CAP2: variants seen among roughly 807,000 people sequenced by gnomAD.
The protein encoded by CAP2 is adenylyl cyclase-associated protein 2.
A neutral mutation model predicts 57.7 loss-of-function variants in CAP2; 24 were observed. The ratio of observed to expected loss-of-function variants is 0.42; its 90% confidence interval spans 0.30 to 0.58. The LOEUF (loss-of-function observed/expected upper bound fraction) is 0.58. Ranked by LOEUF, CAP2 falls within the 20% of genes least tolerant of loss-of-function variation. The pLI, the probability that CAP2 is intolerant of heterozygous loss-of-function variation, is 0.22. For synonymous variants in CAP2, 194 were observed against 207.2 expected, an observed-to-expected ratio of 0.94 and a Z score of 0.55; for missense variants, 501 against 590.3, an observed-to-expected ratio of 0.85 and a Z score of 1.57.
intron 1 of CAP2, among the ~76,000 whole-genome samples, chr6:17,407,505 A>G (rs1284790608): frequency 1.3e-5 from 2 of 151,234 alleles, no homozygotes; most frequent in East Asian, 3.9e-4. Context: ...GGCCAGGCGC[A>G]TTGCCTCACG....
chr6:17,406,300 A>G (rs1758966032), intron 1 of CAP2, among the ~76,000 whole-genome samples: 1 of 152,064 alleles, frequency 6.6e-6, no homozygotes, highest in Admixed American at 6.6e-5. Context: ...TCCTCAGGAC[A>G]GAGTAGCGAG....
At chr6:17,431,327 A>T (rs926017603) in intron 3 of CAP2, among the ~76,000 whole-genome samples, 2 of 150,556 alleles carry the variant, frequency 1.3e-5, no homozygotes, top group African/African-American at 5.0e-5. Context: ...AGATATCGTT[A>T]AAAAAAATAA....
chr6:17,465,553 G>A (rs187511977), intron 4 of CAP2, among the ~76,000 whole-genome samples: 9 of 152,050 alleles, frequency 5.9e-5, no homozygotes, highest in East Asian at 3.9e-4. Context: ...TCAGAACACC[G>A]TCCTACTACT....
At chr6:17,550,202 C>T (rs6925576) in intron 11 of CAP2, among the ~76,000 whole-genome samples, 52,590 of 151,562 alleles carry the variant, frequency 0.35, 9,411 homozygotes, top group Middle Eastern at 0.53. Flanking sequence ...GCTGAGATGG[C>T]GCCATTGCAC....
intron 1 of CAP2, among the ~76,000 whole-genome samples, chr6:17,406,902 C>A (rs908431712): frequency 6.6e-6 from 1 of 152,080 alleles, no homozygotes; most frequent in African/African-American, 2.4e-5. Context: ...GCTACCTGCA[C>A]CCCCACCCAA....
At chr6:17,551,355 G>A in intron 11 of CAP2, 109 bp from the exon 12 acceptor site, 1 of 877,822 alleles carries the variant, frequency 1.1e-6, no homozygotes, top group Non-Finnish European at 1.7e-6. Flanking sequence ...GAATTCTAAT[G>A]CTTGGTTAAG....
chr6:17,531,113 A>G lies in CAP2; in HGVS notation c.637-8156A>G, dbSNP rs145581199. 1.5e-3 allele frequency: 1,168 copies of G among 760,356 alleles called. 8 individuals carry two copies. The African/African-American group carries it at 0.017, about 11-fold the overall frequency. 47.1% of individuals were successfully genotyped at this position (760,356 alleles called of 1,614,324 possible). A position where few individuals can be genotyped will look rare whatever the true frequency, so the allele number is the denominator to read the frequency against. On this transcript the variant is annotated intron_variant, in intron 7 of 12. Transcript: ENST00000229922. ...TGATGCCATATTTACCGAGAGATTG[A>G]GCCATCAAAGCCTCATCTGTCAAAG... is the stretch of plus-strand genomic sequence containing the variant.
In CAP2 at chr6:17,534,760, T is replaced by C. The variant is rs114522550; in HGVS notation, c.637-4509T>C. Among the ~76,000 whole-genome samples the C allele has an allele frequency of 4.4e-4, 67 of 152,312 alleles. 1 individual carries two copies. Among genetic ancestry groups the C allele is most frequent in the African/African-American group, 1.4e-3 (59 of 41,554 alleles). ...CTGATCCTTTCCTTCTCATCCAGTC[T>C]AGACAACCTGGTACATTACCTCTGC... On this transcript the variant is annotated intron_variant, in intron 7 of 12. Coordinates refer to ENST00000229922, the MANE Select transcript of CAP2 (RefSeq NM_006366.3).
At chr6:17,552,940 A>C (rs1156923546) in intron 12 of CAP2, among the ~76,000 whole-genome samples, 1 of 152,164 alleles carries the variant, frequency 6.6e-6, no homozygotes, top group Admixed American at 6.5e-5. Flanking sequence ...TTAAAAAAAC[A>C]AAACTCTGCA....
At chr6:17,437,121 A>G (rs568432977) in intron 3 of CAP2, among the ~76,000 whole-genome samples, 11 of 152,294 alleles carry the variant, frequency 7.2e-5, no homozygotes, top group African/African-American at 1.9e-4. Context: ...ATTTCATTAT[A>G]TATTACAATA....
intron 3 of CAP2, among the ~76,000 whole-genome samples, chr6:17,427,768 A>G (rs1312415400): frequency 6.6e-6 from 1 of 152,222 alleles, no homozygotes. Flanking sequence ...ATTGACAGAT[A>G]CACTAAATGT....
At chr6:17,529,651 A>AAAATATAT (rs10656588) in intron 7 of CAP2, among the ~76,000 whole-genome samples, 1,865 of 134,344 alleles carry the variant, frequency 0.014, 30 homozygotes, top group Middle Eastern at 0.034. Flanking sequence ...AAAAAAAAAA[A>AAAATATAT]ATATATATAT....
At chr6:17,514,673 C>T (rs114784774) in intron 7 of CAP2, among the ~76,000 whole-genome samples, 2 of 152,130 alleles carry the variant, frequency 1.3e-5, no homozygotes, top group African/African-American at 2.4e-5. Context: ...TCACTTAACT[C>T]GGGAGGCAGA....
chr6:17,514,011 C>G, intron 7 of CAP2, 57 bp downstream of exon 7: 1 of 1,017,486 alleles, frequency 9.8e-7, no homozygotes, highest in Non-Finnish European at 1.6e-6. Context: ...ATATATACAC[C>G]CTGTGGCCCA....
intron 7 of CAP2, among the ~76,000 whole-genome samples, chr6:17,523,316 C>T (rs1046359524): frequency 2.6e-5 from 4 of 152,034 alleles, no homozygotes; most frequent in African/African-American, 4.8e-5. Flanking sequence ...ATAGGGAAAT[C>T]GCAAGGAGGA....
chr6:17,454,285 T>C (rs1417346997), intron 3 of CAP2, among the ~76,000 whole-genome samples: 3 of 148,134 alleles, frequency 2.0e-5, no homozygotes, highest in Admixed American at 6.8e-5. Flanking sequence ...TGGAGAGGAG[T>C]CGTGGCCGTG....
At chr6:17,441,895 TTC>T (rs1760085916) in intron 3 of CAP2, among the ~76,000 whole-genome samples, 1 of 152,222 alleles carries the variant, frequency 6.6e-6, no homozygotes, top group East Asian at 1.9e-4. Flanking sequence ...ATGCATTTTT[TTC>T]TGTTATGTAC....
At chr6:17,458,722 C>T (rs552024985) in intron 3 of CAP2, among the ~76,000 whole-genome samples, 1 of 152,132 alleles carries the variant, frequency 6.6e-6, no homozygotes, top group African/African-American at 2.4e-5. Context: ...TGCCTATTTA[C>T]TAGAGAAGTC....
intron 3 of CAP2, among the ~76,000 whole-genome samples, chr6:17,439,328 G>A (rs1054602141): frequency 1.3e-5 from 2 of 149,906 alleles, no homozygotes; most frequent in Non-Finnish European, 2.9e-5. Flanking sequence ...CCCATGGATC[G>A]AAATGCTGCC....
Sources: gnomAD v4.1 joint callset for allele counts (sites outside exome capture counted in the v4.1 genomes callset) on GRCh38, gnomAD v4.1.1 for gene constraint, MANE v1.5 for transcripts, NCBI Gene and HGNC (gene_info 2026-07-23, HGNC 2026-07-21) for gene names.